The following PLPPR1 variants were observed in gnomAD, a reference collection of about 807,000 sequenced individuals.
PLPPR1 encodes the protein phospholipid phosphatase-related protein type 1.
Under a neutral mutation model 33.1 loss-of-function variants are expected in PLPPR1, and 10 were observed. The ratio of observed to expected loss-of-function variants is 0.30; its 90% CI spans 0.19 to 0.51. The LOEUF is 0.51. Among genes scored for constraint, PLPPR1 ranks in the 20% least tolerant of loss-of-function variants. The pLI is 0.97. For synonymous variants in PLPPR1, 151 were observed against 151.0 expected, an observed-to-expected ratio of 1.00 and a Z score of 0.00; for missense variants, 304 against 408.1, an observed-to-expected ratio of 0.74 and a Z score of 2.20.
chr9:101,322,939 T>C (rs765625071), intron 7 of PLPPR1, among the ~76,000 whole-genome samples: 1 of 152,192 alleles, frequency 6.6e-6, no homozygotes, highest in Non-Finnish European at 1.5e-5. Flanking sequence ...ATCTGTATTA[T>C]GTAAGCCACA....
chr9:101,287,742 C>T lies in PLPPR1; in HGVS notation c.385+1506C>T, dbSNP rs543741375. Among the ~76,000 whole-genome samples the T allele has an allele frequency of 1.2e-4, 18 of 152,234 alleles. 1 individual carries two copies. In the East Asian group the frequency reaches 3.5e-3, roughly 29 times the overall value. ...TCTTGGACTCCTGACCTCAGGTGAT[C>T]CACCTGCCTCAGCCTCCCAAAGTGC... On this transcript the variant is annotated intron_variant, in intron 4 of 7. Coordinates refer to ENST00000374874, the MANE Select transcript of PLPPR1 (RefSeq NM_207299.2).
At chr9:101,206,164 T>C (rs1301926031) in intron 2 of PLPPR1, among the ~76,000 whole-genome samples, 1 of 152,198 alleles carries the variant, frequency 6.6e-6, no homozygotes, top group Non-Finnish European at 1.5e-5. Flanking sequence ...TTTAAAACTA[T>C]TGACCTGTAA....
At chr9:101,145,086 TCA>T (rs1831504110) in intron 1 of PLPPR1, among the ~76,000 whole-genome samples, 1 of 152,102 alleles carries the variant, frequency 6.6e-6, no homozygotes, top group Non-Finnish European at 1.5e-5. Flanking sequence ...TTGCTGTAAC[TCA>T]CAGAAGCAGA....
At chr9:101,291,515 G>A (rs1375878127) in intron 4 of PLPPR1, among the ~76,000 whole-genome samples, 4 of 152,140 alleles carry the variant, frequency 2.6e-5, no homozygotes, top group African/African-American at 4.8e-5. Flanking sequence ...CCTGACCCCC[G>A]AGCAGCCTAA....
At chr9:101,268,212 T>G (rs1299265064) in intron 2 of PLPPR1, among the ~76,000 whole-genome samples, 2 of 150,764 alleles carry the variant, frequency 1.3e-5, no homozygotes, top group Non-Finnish European at 2.9e-5. Context: ...GTAACAAACC[T>G]GCACATTGTG....
At chr9:101,099,125 G>T (rs1830860983) in intron 1 of PLPPR1, among the ~76,000 whole-genome samples, 2 of 151,534 alleles carry the variant, frequency 1.3e-5, no homozygotes, top group South Asian at 4.2e-4. Flanking sequence ...CGGGGGAGGA[G>T]TGTGTTGGTC....
chr9:101,189,987 C>A (rs1187659257), intron 2 of PLPPR1, among the ~76,000 whole-genome samples: 1 of 151,998 alleles, frequency 6.6e-6, no homozygotes, highest in Non-Finnish European at 1.5e-5. Context: ...CCAGTTTAGC[C>A]GAGCTTACTT....
intron 1 of PLPPR1, among the ~76,000 whole-genome samples, chr9:101,179,762 T>C (rs775735698): frequency 3.3e-5 from 5 of 152,040 alleles, no homozygotes; most frequent in Non-Finnish European, 7.4e-5. Context: ...GGATGCAAAG[T>C]ATTAATCCTG....
At chr9:101,259,897 G>T (rs995282795) in intron 2 of PLPPR1, among the ~76,000 whole-genome samples, 2 of 152,096 alleles carry the variant, frequency 1.3e-5, no homozygotes, top group African/African-American at 4.8e-5. Flanking sequence ...TCAGCAGGGG[G>T]ATGACTTTGA....
chr9:101,167,825 C>T (rs67133619), intron 1 of PLPPR1, among the ~76,000 whole-genome samples: 21,703 of 152,132 alleles, frequency 0.14, 1,717 homozygotes, highest in East Asian at 0.3. Context: ...TTGTATTAGT[C>T]TGTTCTCACA....
intron 1 of PLPPR1, among the ~76,000 whole-genome samples, chr9:101,168,606 GT>G (rs1183503218): frequency 6.6e-6 from 1 of 152,068 alleles, no homozygotes; most frequent in Non-Finnish European, 1.5e-5. Flanking sequence ...GCTACCTGCT[GT>G]CAATGACTGC....
At chr9:101,251,671 T>TA (rs1827714699) in intron 2 of PLPPR1, among the ~76,000 whole-genome samples, 1 of 152,080 alleles carries the variant, frequency 6.6e-6, no homozygotes, top group South Asian at 2.1e-4. Context: ...GGGCCCTTGA[T>TA]ACAAGCAGCA....
intron 1 of PLPPR1, among the ~76,000 whole-genome samples, chr9:101,108,918 G>T (rs1237920102): frequency 2.7e-5 from 4 of 150,804 alleles, no homozygotes; most frequent in Non-Finnish European, 4.4e-5. Context: ...AGTAAAGACT[G>T]ATATAACCCA....
chr9:101,101,607 T>G (rs554512410), intron 1 of PLPPR1, among the ~76,000 whole-genome samples: 1 of 151,820 alleles, frequency 6.6e-6, no homozygotes, highest in Non-Finnish European at 1.5e-5. Context: ...ATGGAATATA[T>G]GGTCATCCAC....
At chr9:101,070,204 G>T (rs1832541) in intron 1 of PLPPR1, among the ~76,000 whole-genome samples, 86,168 of 151,872 alleles carry the variant, frequency 0.57, 24,504 homozygotes, top group Non-Finnish European at 0.6. Context: ...ATCAATTTAA[G>T]TTATTTGGAA....
intron 1 of PLPPR1, among the ~76,000 whole-genome samples, chr9:101,081,210 CT>C (rs888946756): frequency 2.0e-5 from 3 of 151,806 alleles, no homozygotes; most frequent in Non-Finnish European, 4.4e-5. Flanking sequence ...TAAGTATGTG[CT>C]TTTTTTTAAT....
rs147514734 is a variant in PLPPR1 at position 101,110,794 on chromosome 9, G to T, written c.-45-74656G>T. Reference sequence around the variant, plus strand: ...TATAGGTGTTTGCTTTTTGAGAAATGATGTTCATGTGTTACTTCTATAATT... The same window carrying T: ...TATAGGTGTTTGCTTTTTGAGAAATTATGTTCATGTGTTACTTCTATAATT... On this transcript the variant is annotated intron_variant, in intron 1 of 7. Coordinates refer to ENST00000374874, the MANE Select transcript of PLPPR1 (RefSeq NM_207299.2). Among the ~76,000 whole-genome samples, 343 of 152,226 alleles carry T rather than the reference G, an allele frequency of 2.3e-3. 2 individuals are homozygous for T. The highest frequency in any genetic ancestry group is 7.8e-3 in the African/African-American group (325 of 41,558).
At chr9:101,228,326 C>T (rs1827113665) in intron 2 of PLPPR1, among the ~76,000 whole-genome samples, 1 of 152,150 alleles carries the variant, frequency 6.6e-6, no homozygotes, top group Admixed American at 6.6e-5. Context: ...GCTCCTCGTA[C>T]ACAGTAGGGA....
intron 6 of PLPPR1, among the ~76,000 whole-genome samples, chr9:101,317,159 C>A (rs1829069846): frequency 6.6e-6 from 1 of 152,066 alleles, no homozygotes; most frequent in South Asian, 2.1e-4. Context: ...GAAAACAGAC[C>A]CAATGGGGTG....
Sources: gnomAD v4.1 joint callset for allele counts (sites outside exome capture counted in the v4.1 genomes callset) on GRCh38, gnomAD v4.1.1 for gene constraint, MANE v1.5 for transcripts, NCBI Gene and HGNC (gene_info 2026-07-23, HGNC 2026-07-21) for gene names.